Variants in SGCG observed in about 807,000 individuals in gnomAD.
The protein encoded by SGCG is sarcoglycan gamma.
SGCG carries 26 observed loss-of-function variants against 29.3 expected under a neutral mutation model. That is an observed-to-expected ratio of 0.89 (90% CI 0.65 to 1.23). The LOEUF (loss-of-function observed/expected upper bound fraction) is 1.23, where lower values mean the gene tolerates loss of function less well. SGCG is among the 50% of genes most tolerant of loss of function. SGCG has a pLI of 0.00. For missense variants in SGCG, 353 were observed against 356.0 expected, an observed-to-expected ratio of 0.99 and a Z score of 0.07; for synonymous variants, 145 against 129.7, an observed-to-expected ratio of 1.12 and a Z score of -0.80.
intron 6 of SGCG, among the ~76,000 whole-genome samples, chr13:23,307,716 T>G (rs527898447): frequency 6.6e-6 from 1 of 152,268 alleles, no homozygotes; most frequent in South Asian, 2.1e-4. Context: ...TGTATCAAAT[T>G]ATATCTGTAT....
chr13:23,229,173 C>T (rs377583697), intron 2 of SGCG, among the ~76,000 whole-genome samples: 1 of 152,164 alleles, frequency 6.6e-6, no homozygotes, highest in Non-Finnish European at 1.5e-5. Flanking sequence ...TGTGAGCCAC[C>T]ATGCCCAGCC....
intron 6 of SGCG, among the ~76,000 whole-genome samples, chr13:23,317,279 CTTAG>C (rs1882852550): frequency 6.6e-6 from 1 of 152,160 alleles, no homozygotes; most frequent in Non-Finnish European, 1.5e-5. Flanking sequence ...TAGGGCATCT[CTTAG>C]TATTACCATG....
upstream of SGCG, among the ~76,000 whole-genome samples, chr13:23,180,708 C>G (rs753435579): frequency 6.6e-6 from 1 of 152,102 alleles, no homozygotes; most frequent in Non-Finnish European, 1.5e-5. Context: ...AACTATCATG[C>G]TTTAGGGTTT....
chr13:23,314,855 C>A (rs1240856322), intron 6 of SGCG, among the ~76,000 whole-genome samples: 6 of 152,156 alleles, frequency 3.9e-5, no homozygotes, highest in African/African-American at 2.4e-5. Context: ...CGGCACAATG[C>A]CTAGTGGGCC....
chr13:23,235,274 G>C (rs1314344826), intron 3 of SGCG, among the ~76,000 whole-genome samples: 1 of 151,892 alleles, frequency 6.6e-6, no homozygotes, highest in Non-Finnish European at 1.5e-5. Context: ...TAGGAGAATC[G>C]CTTGAACCCA....
chr13:23,196,551 G>A (rs1877518413), intron 1 of SGCG, among the ~76,000 whole-genome samples: 1 of 152,012 alleles, frequency 6.6e-6, no homozygotes, highest in Admixed American at 6.6e-5. Flanking sequence ...GAACATTTTT[G>A]GTATGTTTAT....
chr13:23,309,390 C>T (rs1882478041), intron 6 of SGCG, among the ~76,000 whole-genome samples: 1 of 152,108 alleles, frequency 6.6e-6, no homozygotes, highest in Admixed American at 6.6e-5. Context: ...TACAGATGCA[C>T]ACCACCATAC....
Position 23,203,894 on chromosome 13 carries a change from G to T in SGCG, c.195+5G>T. The T allele has an allele frequency of 6.3e-7, 1 of 1,582,386 alleles. No homozygotes were observed. The highest frequency in any genetic ancestry group is 8.7e-7 in the Non-Finnish European group (1 of 1,151,158). ...AAAGTGATGTGGTTTTCTCCAGTAA[G>T]TATCATTATTTTCTGGTAAGCATGT... is the stretch of plus-strand genomic sequence containing the variant. On this transcript the variant is annotated splice_donor_5th_base_variant and intron_variant, in intron 2 of 7. Transcript: ENST00000218867.
chr13:23,229,062 T>A (rs745559355), intron 2 of SGCG, among the ~76,000 whole-genome samples: 8 of 151,584 alleles, frequency 5.3e-5, no homozygotes, highest in Non-Finnish European at 1.2e-4. Context: ...TAGAGATGGG[T>A]TTTCACCATG....
chr13:23,216,747 A>C (rs1343820468), intron 2 of SGCG, among the ~76,000 whole-genome samples: 2 of 152,182 alleles, frequency 1.3e-5, no homozygotes, highest in Non-Finnish European at 2.9e-5. Flanking sequence ...TAGCAAAAGC[A>C]TCAGTACAGT....
intron 1 of SGCG, among the ~76,000 whole-genome samples, chr13:23,192,168 G>A (rs116983558): frequency 0.21 from 28,764 of 135,620 alleles, 3,238 homozygotes; most frequent in East Asian, 0.32. Flanking sequence ...GAGTGAGACT[G>A]CGTCCCAAAA....
intron 4 of SGCG, among the ~76,000 whole-genome samples, chr13:23,255,596 G>T (rs547897887): frequency 1.3e-5 from 2 of 152,278 alleles, no homozygotes; most frequent in South Asian, 2.1e-4. Context: ...AGGAGTTGGG[G>T]CCTGATGGGA....
chr13:23,324,453 A>C lies in SGCG; in HGVS notation c.788A>C (p.Glu263Ala). The C allele has an allele frequency of 6.2e-7, 1 of 1,614,010 alleles. No homozygotes were observed. Among genetic ancestry groups the C allele is most frequent in the Non-Finnish European group, 8.5e-7 (1 of 1,179,994 alleles). ...TCTGGCAGCTCACAGAGCCTCTACG[A>C]AATCTGTGTGTGTCCAGATGGGAAG... ...GPSGSSQSLY[E>A]ICVCPDGKLY... Residue 263 changes from glutamate (E) to alanine (A), a missense_variant, in exon 8 of 8, where the codon GAA (glutamate) becomes GCA (alanine). Glu to Ala is a moderately radical substitution (Grantham distance 107, BLOSUM62 -1). Coordinates refer to ENST00000218867, the MANE Select transcript of SGCG (RefSeq NM_000231.3).
At chr13:23,204,329 C>G (rs1877893895) in intron 2 of SGCG, among the ~76,000 whole-genome samples, 1 of 151,754 alleles carries the variant, frequency 6.6e-6, no homozygotes, top group Non-Finnish European at 1.5e-5. Flanking sequence ...TTTTAAAAAC[C>G]CTATGCTGAT....
intron 6 of SGCG, among the ~76,000 whole-genome samples, chr13:23,306,450 C>T (rs537997466): frequency 7.2e-5 from 11 of 152,250 alleles, no homozygotes; most frequent in African/African-American, 1.9e-4. Context: ...AAATTATTCA[C>T]TTAATCTAAG....
At chr13:23,214,829 T>C (rs1878364795) in intron 2 of SGCG, among the ~76,000 whole-genome samples, 1 of 152,240 alleles carries the variant, frequency 6.6e-6, no homozygotes, top group Non-Finnish European at 1.5e-5. Flanking sequence ...TTTATGTCTT[T>C]CTAAAAGGTA....
intron 5 of SGCG, among the ~76,000 whole-genome samples, chr13:23,290,892 AGTTATTTGCC>A (rs1881680801): frequency 6.6e-6 from 1 of 152,204 alleles, no homozygotes; most frequent in Non-Finnish European, 1.5e-5. Flanking sequence ...AACAACTTAG[AGTTATTTGCC>A]GTTCAGTTGC....
At chr13:23,214,209 T>C (rs1878340582) in intron 2 of SGCG, among the ~76,000 whole-genome samples, 1 of 152,150 alleles carries the variant, frequency 6.6e-6, no homozygotes, top group Admixed American at 6.5e-5. Context: ...CCCATCCTAG[T>C]TCCTGTTTTC....
chr13:23,187,156 C>G (rs1877010688), intron 1 of SGCG, among the ~76,000 whole-genome samples: 1 of 152,140 alleles, frequency 6.6e-6, no homozygotes, highest in African/African-American at 2.4e-5. Context: ...TGTATATGAC[C>G]CCATTGTGGG....
Sources: allele counts gnomAD v4.1 joint callset (sites outside exome capture counted in the v4.1 genomes callset), GRCh38; gene constraint gnomAD v4.1.1; transcripts MANE v1.5; gene names NCBI Gene and HGNC (gene_info 2026-07-23, HGNC 2026-07-21).